Variants in RAB6B observed in about 807,000 individuals in gnomAD.
RAB6B encodes the protein RAB6B, member RAS oncogene family, also known as ras-related protein Rab-6B.
In RAB6B, 7 loss-of-function variants were observed where a neutral mutation model predicts 31.2. The observed-to-expected ratio is 0.22, with a 90% CI of 0.13 to 0.42. The LOEUF is 0.42. RAB6B is among the 10% of genes least tolerant of loss of function. The pLI, the probability that RAB6B is intolerant of heterozygous loss-of-function variation, is 1.00. For synonymous variants in RAB6B, 105 were observed against 104.9 expected (o/e 1.00, Z -0.01); for missense variants, 149 against 280.6 (o/e 0.53, Z 3.35).
chr3:133,866,188 C>T (rs1936234372), intron 1 of RAB6B, among the ~76,000 whole-genome samples: 1 of 152,196 alleles, frequency 6.6e-6, no homozygotes, highest in Admixed American at 6.5e-5. Context: ...AAGGCAGTTT[C>T]CAGAATATCA....
At chr3:133,839,154 T>C (rs1197951445) in intron 5 of RAB6B, among the ~76,000 whole-genome samples, 1 of 152,232 alleles carries the variant, frequency 6.6e-6, no homozygotes, top group Non-Finnish European at 1.5e-5. Flanking sequence ...CAGTTCACAG[T>C]GCACACGCTG....
intron 1 of RAB6B, among the ~76,000 whole-genome samples, chr3:133,888,093 C>G (rs1401973499): frequency 1.3e-5 from 2 of 152,198 alleles, no homozygotes; most frequent in Non-Finnish European, 2.9e-5. Context: ...GTCCAGAAGA[C>G]CTCAGTGTTC....
intron 1 of RAB6B, among the ~76,000 whole-genome samples, chr3:133,875,373 G>C (rs182758547): frequency 6.6e-6 from 1 of 152,138 alleles, no homozygotes; most frequent in Admixed American, 6.5e-5. Context: ...TAAAAAAGTA[G>C]AACACATACA....
intron 1 of RAB6B, among the ~76,000 whole-genome samples, chr3:133,870,134 C>T (rs1227222615): frequency 3.3e-5 from 5 of 152,158 alleles, no homozygotes; most frequent in Admixed American, 2.0e-4. Flanking sequence ...CACAGTCTGC[C>T]ATTGCTGGGA....
intron 2 of RAB6B, among the ~76,000 whole-genome samples, chr3:133,841,899 G>C (rs1420449404): frequency 6.6e-6 from 1 of 152,098 alleles, no homozygotes; most frequent in Middle Eastern, 3.4e-3. Flanking sequence ...TCTCTGGAGA[G>C]GGCAAGTGCT....
intron 6 of RAB6B, among the ~76,000 whole-genome samples, chr3:133,835,745 G>T (rs990642977): frequency 2.0e-5 from 3 of 152,014 alleles, no homozygotes; most frequent in Non-Finnish European, 2.9e-5. Flanking sequence ...CCTCATGAAC[G>T]GGATGAGTGC....
At chr3:133,830,804 C>T (rs1935645557) in intron 7 of RAB6B, among the ~76,000 whole-genome samples, 1 of 152,238 alleles carries the variant, frequency 6.6e-6, no homozygotes, top group African/African-American at 2.4e-5. Context: ...TCAAACTCAA[C>T]ACTACTGACA....
In RAB6B at chr3:133,895,570, G is replaced by T. The variant is rs1269228556; in HGVS notation, c.-104C>A. On this transcript the variant is annotated 5_prime_UTR_variant, in exon 1 of 8. Transcript: ENST00000285208. ...GAGGCGGCCGGCGGTGCGGGAGCCGGAGGGGGAAGGGCTGGCTGCGCGCGT... is the reference window on the plus strand; with the variant it reads ...GAGGCGGCCGGCGGTGCGGGAGCCGTAGGGGGAAGGGCTGGCTGCGCGCGT... The T allele has an allele frequency of 1.7e-6, 2 of 1,171,006 alleles. No individual in the cohort carries two copies. The highest frequency in any genetic ancestry group is 3.0e-5 in the African/African-American group (2 of 65,666). 72.5% of individuals were successfully genotyped at this position (1,171,006 alleles called of 1,614,324 possible).
chr3:133,889,391 TATATATATATATATA>T (rs1559915393), intron 1 of RAB6B, among the ~76,000 whole-genome samples: 1,003 of 34,018 alleles, frequency 0.029, 60 homozygotes, highest in Non-Finnish European at 0.043. Flanking sequence ...TATTTTGTTA[TATATATATATATATA>T]TATATATATA....
At chr3:133,847,677 A>G (rs1284465970) in intron 2 of RAB6B, among the ~76,000 whole-genome samples, 3 of 152,150 alleles carry the variant, frequency 2.0e-5, no homozygotes, top group East Asian at 3.8e-4. Flanking sequence ...CCATTTCTCA[A>G]CTAGGTCAGT....
chr3:133,880,449 G>T (rs1163205357), intron 1 of RAB6B, among the ~76,000 whole-genome samples: 1 of 152,242 alleles, frequency 6.6e-6, no homozygotes, highest in East Asian at 1.9e-4. Flanking sequence ...CACAGCTGTG[G>T]CCTCGCCATG....
Position 133,895,680 on chromosome 3 carries a change from G to T in RAB6B, c.-214C>A. 1 of 583,420 alleles carries T rather than the reference G, an allele frequency of 1.7e-6. No individual in the cohort carries two copies. Among genetic ancestry groups the T allele is most frequent in the South Asian group, 2.1e-5 (1 of 47,008 alleles). 36.1% of individuals were successfully genotyped at this position (583,420 alleles called of 1,614,324 possible). A position where few individuals can be genotyped will look rare whatever the true frequency, so the allele number is the denominator to read the frequency against. ...AGGAGGAGGAGAGAGAGGCGGAGGC[G>T]GAGGAAGGCTGGGGCTGGGCTGCTG... On this transcript the variant is annotated 5_prime_UTR_variant, in exon 1 of 8. Coordinates refer to ENST00000285208, the MANE Select transcript of RAB6B (RefSeq NM_016577.4).
intron 1 of RAB6B, among the ~76,000 whole-genome samples, chr3:133,882,055 T>G (rs990603584): frequency 6.6e-6 from 1 of 152,252 alleles, no homozygotes; most frequent in African/African-American, 2.4e-5. Flanking sequence ...CATTTCTTTC[T>G]GGATCAGGGA....
intron 2 of RAB6B, among the ~76,000 whole-genome samples, chr3:133,850,763 G>A (rs1487008991): frequency 6.6e-6 from 1 of 152,208 alleles, no homozygotes; most frequent in African/African-American, 2.4e-5. Flanking sequence ...AGTCTTCTGA[G>A]TGCAAAATGA....
intron 1 of RAB6B, among the ~76,000 whole-genome samples, chr3:133,883,081 G>C (rs1465479645): frequency 6.6e-6 from 1 of 152,158 alleles, no homozygotes; most frequent in East Asian, 1.9e-4. Context: ...CAGAAGTGCA[G>C]AACCAAACAA....
intron 1 of RAB6B, chr3:133,885,470 AC>A (rs200133866): frequency 0.018 from 12,894 of 700,974 alleles, 179 homozygotes; most frequent in Middle Eastern, 0.04. Context: ...GGACTTACAC[AC>A]CCAATGACCA....
intron 7 of RAB6B, among the ~76,000 whole-genome samples, chr3:133,832,401 C>T (rs1935667645): frequency 6.6e-6 from 1 of 152,090 alleles, no homozygotes; most frequent in Non-Finnish European, 1.5e-5. Context: ...TCTAGACCTG[C>T]AAGCAGCAGA....
intron 1 of RAB6B, among the ~76,000 whole-genome samples, chr3:133,882,453 TCA>T (rs932365280): frequency 5.3e-5 from 8 of 152,218 alleles, no homozygotes; most frequent in African/African-American, 1.9e-4. Context: ...CCACACCATC[TCA>T]CAGTCAGGTT....
rs74468677 is a variant in RAB6B at position 133,861,675 on chromosome 3, T to C, written c.129+2909A>G. On this transcript the variant is annotated intron_variant, in intron 2 of 7. Coordinates refer to ENST00000285208, the MANE Select transcript of RAB6B (RefSeq NM_016577.4). ...CCACTTTCTTCTGCCTCTCCAAACA[T>C]AGAGTAGGCATTTGACAAACATCTT... Among the ~76,000 whole-genome samples the C allele has an allele frequency of 3.9e-5, 6 of 152,224 alleles. No homozygotes were observed. The South Asian group carries it at 6.2e-4, about 16-fold the overall frequency.
Sources: allele counts gnomAD v4.1 joint callset (sites outside exome capture counted in the v4.1 genomes callset), GRCh38; gene constraint gnomAD v4.1.1; transcripts MANE v1.5; gene names NCBI Gene and HGNC (gene_info 2026-07-23, HGNC 2026-07-21).